Variants in AFAP1L1 observed in about 807,000 individuals in gnomAD.
AFAP1L1 encodes the protein actin filament-associated protein 1-like 1.
In AFAP1L1, 77 loss-of-function variants were observed where a neutral mutation model predicts 99.8. That is an observed-to-expected ratio of 0.77 (90% CI 0.64 to 0.93). The LOEUF (loss-of-function observed/expected upper bound fraction) is 0.93. Ranked by LOEUF, AFAP1L1 falls within the 40% of genes least tolerant of loss-of-function variation. AFAP1L1 has a pLI of 0.00. For missense variants in AFAP1L1, 893 were observed against 996.8 expected (o/e 0.90, Z 1.40); for synonymous variants, 373 against 395.3 (o/e 0.94, Z 0.67).
At chr5:149,303,952 C>G (rs536820559) in intron 5 of AFAP1L1, among the ~76,000 whole-genome samples, 85 of 152,320 alleles carry the variant, frequency 5.6e-4, no homozygotes, top group African/African-American at 2.0e-3. Flanking sequence ...ACAGTATTTG[C>G]AGCCATCACA....
intron 17 of AFAP1L1, among the ~76,000 whole-genome samples, chr5:149,334,072 T>A (rs1757336826): frequency 6.6e-6 from 1 of 152,222 alleles, no homozygotes. Flanking sequence ...GTCAAATGAA[T>A]AAATGTTTTG....
chr5:149,288,454 C>T (rs1026204318), intron 1 of AFAP1L1, among the ~76,000 whole-genome samples: 5 of 152,166 alleles, frequency 3.3e-5, no homozygotes, highest in Non-Finnish European at 7.4e-5. Context: ...CACTTTAGCA[C>T]TTGAAAATAC....
At chr5:149,276,309 G>A (rs950719266) in intron 1 of AFAP1L1, among the ~76,000 whole-genome samples, 2 of 152,236 alleles carry the variant, frequency 1.3e-5, no homozygotes, top group Non-Finnish European at 1.5e-5. Flanking sequence ...TCTTCCAACA[G>A]GGTATGTGTT....
At chr5:149,307,034 G>A (rs1039622244) in intron 6 of AFAP1L1, among the ~76,000 whole-genome samples, 5 of 152,108 alleles carry the variant, frequency 3.3e-5, no homozygotes, top group African/African-American at 7.2e-5. Context: ...ACCCCCTGAG[G>A]TCAGGAGTTG....
At chr5:149,327,690 T>C (rs558823311) in intron 15 of AFAP1L1, among the ~76,000 whole-genome samples, 43 of 152,108 alleles carry the variant, frequency 2.8e-4, no homozygotes, top group African/African-American at 1.0e-3. Context: ...TTTGGCCTGG[T>C]AGAAGAATCA....
intron 1 of AFAP1L1, among the ~76,000 whole-genome samples, chr5:149,281,820 A>T (rs1282000948): frequency 1.3e-5 from 2 of 152,186 alleles, no homozygotes; most frequent in Non-Finnish European, 2.9e-5. Flanking sequence ...CTAGGTAAAG[A>T]TTTCTAAGTG....
intron 17 of AFAP1L1, 35 bp from the exon 18 acceptor site, chr5:149,335,559 A>T: frequency 6.2e-7 from 1 of 1,608,982 alleles, no homozygotes; most frequent in Non-Finnish European, 8.5e-7. Flanking sequence ...CCATCACCAG[A>T]TCTCACCTAT....
At position 149,340,326 on chromosome 5, in the gene AFAP1L1, T is replaced by C. The variant is rs144907769; in HGVS notation, c.*296T>C. On this transcript the variant is annotated 3_prime_UTR_variant, in exon 19 of 19. Transcript: ENST00000296721. ...GTTTTATAGATGTCTTTGCCTTCCC[T>C]TCTGAGGAAGGGAAGAAGTAATGAA... The C allele has an allele frequency of 2.8e-4, 92 of 332,316 alleles. No homozygotes were observed. The East Asian group carries it at 3.5e-3, about 13-fold the overall frequency. 20.6% of individuals were successfully genotyped at this position (332,316 alleles called of 1,614,324 possible).
chr5:149,321,537 G>A (rs531929795), intron 14 of AFAP1L1, among the ~76,000 whole-genome samples: 14 of 151,322 alleles, frequency 9.3e-5, no homozygotes, highest in African/African-American at 3.4e-4. Context: ...GTCCAGCCTG[G>A]CCAACATGGT....
chr5:149,316,236 C>T lies in AFAP1L1; in HGVS notation c.1200C>T (p.Phe400=). The T allele has an allele frequency of 6.2e-7, 1 of 1,614,124 alleles. No homozygotes were observed. Among genetic ancestry groups the T allele is most frequent in the Non-Finnish European group, 8.5e-7 (1 of 1,180,030 alleles). Residue 400 remains phenylalanine, a synonymous_variant, in exon 11 of 19, where the codon TTC becomes TTT. Coordinates refer to ENST00000296721, the MANE Select transcript of AFAP1L1 (RefSeq NM_152406.4). The part of the protein sequence containing the change: ...AGRKITRIIG[F]SKKKTLADDL... Reference sequence around the variant, plus strand: ...GCAAGATCACCCGTATCATTGGCTTCTCCAAGAAGAAGACACTGGCCGATG... The same window carrying T: ...GCAAGATCACCCGTATCATTGGCTTTTCCAAGAAGAAGACACTGGCCGATG...
intron 7 of AFAP1L1, among the ~76,000 whole-genome samples, chr5:149,308,420 C>T (rs1307505159): frequency 1.3e-5 from 2 of 152,110 alleles, no homozygotes; most frequent in Admixed American, 6.5e-5. Flanking sequence ...TTTTATAAAA[C>T]GAATCCCCTA....
chr5:149,310,637 C>T lies in AFAP1L1; in HGVS notation c.927+502C>T, dbSNP rs543803821. On this transcript the variant is annotated intron_variant, in intron 8 of 18. Transcript: ENST00000296721. ...TGCATTGTGCCAAGAGCTTTACATA[C>T]GTGACCTCATTTCTGCTTGAAAATG... 1.1e-3 allele frequency among the ~76,000 whole-genome samples: 163 copies of T among 152,338 alleles called. 1 individual carries two copies. The highest frequency in any genetic ancestry group is 3.0e-3 in the African/African-American group (124 of 41,586).
At chr5:149,313,129 A>T (rs1461109190) in intron 9 of AFAP1L1, among the ~76,000 whole-genome samples, 1 of 151,596 alleles carries the variant, frequency 6.6e-6, no homozygotes. Context: ...TTCATTTAAA[A>T]AAAAAAAAAA....
intron 12 of AFAP1L1, among the ~76,000 whole-genome samples, chr5:149,318,805 AGGCCAG>A (rs1487307125): frequency 6.6e-6 from 1 of 152,248 alleles, no homozygotes; most frequent in African/African-American, 2.4e-5. Context: ...AAGGAAACTG[AGGCCAG>A]GGCAGCCACA....
chr5:149,275,492 C>A (rs1755287555), intron 1 of AFAP1L1, among the ~76,000 whole-genome samples: 1 of 151,562 alleles, frequency 6.6e-6, no homozygotes, highest in Non-Finnish European at 1.5e-5. Flanking sequence ...TTTCTTCCTT[C>A]TTTCCTCTTT....
chr5:149,297,803 C>T (rs565347380), intron 1 of AFAP1L1, among the ~76,000 whole-genome samples: 4 of 152,340 alleles, frequency 2.6e-5, no homozygotes, highest in Admixed American at 6.5e-5. Context: ...GTCCAGTCCA[C>T]GCCTGCTAGA....
chr5:149,321,556 G>A (rs941934161), intron 14 of AFAP1L1, among the ~76,000 whole-genome samples: 19 of 150,690 alleles, frequency 1.3e-4, no homozygotes, highest in East Asian at 3.9e-4. Context: ...GTGAAACCTC[G>A]TCTCTACTTA....
At chr5:149,281,794 A>G (rs1358709339) in intron 1 of AFAP1L1, among the ~76,000 whole-genome samples, 2 of 152,174 alleles carry the variant, frequency 1.3e-5, no homozygotes, top group Non-Finnish European at 2.9e-5. Flanking sequence ...GGGACTTGCT[A>G]GTTAAGATGG....
intron 1 of AFAP1L1, among the ~76,000 whole-genome samples, chr5:149,295,375 T>G (rs1054481876): frequency 6.6e-6 from 1 of 152,212 alleles, no homozygotes; most frequent in African/African-American, 2.4e-5. Flanking sequence ...TGCAGAGCGC[T>G]CATGCAGAAC....
Sources: gnomAD v4.1 joint callset for allele counts (sites outside exome capture counted in the v4.1 genomes callset) on GRCh38, gnomAD v4.1.1 for gene constraint, MANE v1.5 for transcripts, NCBI Gene and HGNC (gene_info 2026-07-23, HGNC 2026-07-21) for gene names.